Variants in GRK3 observed in about 807,000 individuals in gnomAD.
GRK3 encodes the protein G protein-coupled receptor kinase 3.
Under a neutral mutation model 95.7 loss-of-function variants are expected in GRK3, and 54 were observed. That is an observed-to-expected ratio of 0.56 (90% CI 0.45 to 0.71). The LOEUF (loss-of-function observed/expected upper bound fraction) is 0.71. Among genes scored for constraint, GRK3 ranks in the 30% least tolerant of loss-of-function variants. The probability of loss-of-function intolerance (pLI) is 0.00; values close to 1 mark genes in which losing one functional copy is unlikely to be tolerated. For missense variants in GRK3, 649 were observed against 851.2 expected, an observed-to-expected ratio of 0.76 and a Z score of 2.96; for synonymous variants, 281 against 290.8, an observed-to-expected ratio of 0.97 and a Z score of 0.34.
In GRK3 at chr22:25,699,093, CG is replaced by C. The variant is rs905470239; in HGVS notation, c.1160+3882del. ...TCAGGAGCAAAACCCTGTGGCGAGG[CG>C]GGCAGGAGGTGGGACTGTGTGCAGG... is the stretch of plus-strand genomic sequence containing the variant. On this transcript the variant is annotated intron_variant, in intron 13 of 20. Coordinates refer to ENST00000324198, the MANE Select transcript of GRK3 (RefSeq NM_005160.4). Among the ~76,000 whole-genome samples, 24 of 152,182 alleles carry C rather than the reference CG, an allele frequency of 1.6e-4. 1 individual carries two copies. The highest frequency in any genetic ancestry group is 5.1e-4 in the African/African-American group (21 of 41,530).
At chr22:25,582,151 C>T (rs1299071103) in intron 1 of GRK3, among the ~76,000 whole-genome samples, 3 of 151,980 alleles carry the variant, frequency 2.0e-5, no homozygotes, top group Admixed American at 1.3e-4. Context: ...GTGGTGGGCA[C>T]CTGTAATCCC....
At chr22:25,698,552 A>G (rs1023607705) in intron 13 of GRK3, among the ~76,000 whole-genome samples, 3 of 152,152 alleles carry the variant, frequency 2.0e-5, no homozygotes, top group Non-Finnish European at 4.4e-5. Flanking sequence ...AGCAGGGGAA[A>G]TACCAGCTTT....
In GRK3 at chr22:25,564,992, C is replaced by G. The variant is rs1167666025; in HGVS notation, c.-49C>G. 1.3e-6 allele frequency: 1 copy of G among 773,464 alleles called. No individual in the cohort carries two copies. The highest frequency in any genetic ancestry group is 1.7e-6 in the Non-Finnish European group (1 of 580,114). 47.9% of individuals were successfully genotyped at this position (773,464 alleles called of 1,614,324 possible). A position where few individuals can be genotyped will look rare whatever the true frequency, so the allele number is the denominator to read the frequency against. On this transcript the variant is annotated 5_prime_UTR_variant, in exon 1 of 21. Coordinates refer to ENST00000324198, the MANE Select transcript of GRK3 (RefSeq NM_005160.4). ...CGGGCGGCGGCGGCGGGCGCGCGTC[C>G]CGTCCAGGTCCGGAGTAACCGCCGC...
At chr22:25,666,449 G>A (rs1278563803) in intron 5 of GRK3, among the ~76,000 whole-genome samples, 2 of 152,208 alleles carry the variant, frequency 1.3e-5, no homozygotes. Flanking sequence ...AGGAACTTCA[G>A]AGAGAGATAA....
intron 2 of GRK3, among the ~76,000 whole-genome samples, chr22:25,627,209 T>TA (rs2084634152): frequency 6.6e-6 from 1 of 152,232 alleles, no homozygotes; most frequent in Non-Finnish European, 1.5e-5. Flanking sequence ...TTTTATTTTT[T>TA]ATGAAACAAT....
chr22:25,725,656 G>A lies in GRK3; in HGVS notation c.*3206G>A, dbSNP rs2085467716. On this transcript the variant is annotated 3_prime_UTR_variant, in exon 21 of 21. Coordinates refer to ENST00000324198, the MANE Select transcript of GRK3 (RefSeq NM_005160.4). ...CAATTTCAGGTCCTATGTTTAAAAAGAAGGGGCTGGCCGGGCACGATGGCT... is the reference window on the plus strand; with the variant it reads ...CAATTTCAGGTCCTATGTTTAAAAAAAAGGGGCTGGCCGGGCACGATGGCT... 1 of 398,402 alleles carries A rather than the reference G, an allele frequency of 2.5e-6. No individual in the cohort carries two copies. Among genetic ancestry groups the A allele is most frequent in the Non-Finnish European group, 4.4e-6 (1 of 226,060 alleles). 24.7% of individuals were successfully genotyped at this position (398,402 alleles called of 1,614,324 possible).
intron 17 of GRK3, among the ~76,000 whole-genome samples, chr22:25,712,520 G>A (rs929204714): frequency 2.0e-5 from 3 of 152,214 alleles, no homozygotes; most frequent in Admixed American, 6.5e-5. Context: ...ACACTATTAC[G>A]TGGGTGCCCA....
At position 25,711,144 on chromosome 22, in the gene GRK3, A is replaced by G. The variant is rs2085341017; in HGVS notation, c.1472A>G (p.Glu491Gly). ...TTTGATATTGGCTCATTTGATGAAG[A>G]GGATACCAAAGGGATTAAGGTACAC... Reference protein sequence around the residue: ...DAFDIGSFDEEDTKGIKLLDC... With the variant: ...DAFDIGSFDEGDTKGIKLLDC... The change falls in exon 17 of 21, where the codon GAG becomes GGG. Residue 491 changes from glutamate (E) to glycine (G), a missense_variant. Transcript: ENST00000324198. 1 of 1,609,448 alleles carries G rather than the reference A, an allele frequency of 6.2e-7. No homozygotes were observed. The highest frequency in any genetic ancestry group is 1.3e-5 in the African/African-American group (1 of 74,828).
chr22:25,648,452 A>G, intron 3 of GRK3: 1 of 1,310,848 alleles, frequency 7.6e-7, no homozygotes, highest in Non-Finnish European at 1.1e-6. Context: ...AGGTTAAACT[A>G]GGACAAGGAT....
chr22:25,675,586 G>T (rs1569189741), intron 8 of GRK3, among the ~76,000 whole-genome samples: 1 of 152,304 alleles, frequency 6.6e-6, no homozygotes, highest in South Asian at 2.1e-4. Context: ...AGTGGGCTTG[G>T]TGGAGTAGTA....
At chr22:25,690,065 A>G (rs1191114293) in intron 11 of GRK3, 124 bp from the exon 12 acceptor site, 2 of 663,964 alleles carry the variant, frequency 3.0e-6, no homozygotes, top group African/African-American at 3.6e-5. Context: ...GGCTAAAGCT[A>G]TAATTTGTGT....
At chr22:25,687,241 G>A (rs919895832) in intron 10 of GRK3, among the ~76,000 whole-genome samples, 32 of 152,028 alleles carry the variant, frequency 2.1e-4, no homozygotes, top group African/African-American at 6.5e-4. Flanking sequence ...AATCAAAGCA[G>A]GTTAGCTAGT....
intron 2 of GRK3, among the ~76,000 whole-genome samples, chr22:25,642,496 T>C (rs1258840587): frequency 6.6e-6 from 1 of 152,120 alleles, no homozygotes; most frequent in African/African-American, 2.4e-5. Flanking sequence ...ATCTTTTATT[T>C]CTATGGATTT....
intron 9 of GRK3, among the ~76,000 whole-genome samples, chr22:25,679,605 G>T (rs377331263): frequency 3.9e-4 from 60 of 152,218 alleles, no homozygotes; most frequent in African/African-American, 1.4e-3. Flanking sequence ...CAGCTTTTAT[G>T]TGTCTGTACA....
Position 25,722,486 on chromosome 22 carries a change from A to T in GRK3, c.*36A>T. On this transcript the variant is annotated 3_prime_UTR_variant, in exon 21 of 21. Transcript: ENST00000324198. The stretch of plus-strand genomic sequence containing the variant: ...CAGGGAGGGTCCTCGAGGAGGACAC[A>T]CCAGGGTCTCAGCCTTTTGGGGTGA... 6.2e-7 allele frequency: 1 copy of T among 1,607,096 alleles called. No homozygotes were observed. The highest frequency in any genetic ancestry group is 8.5e-7 in the Non-Finnish European group (1 of 1,174,418).
intron 12 of GRK3, among the ~76,000 whole-genome samples, chr22:25,693,966 T>C (rs1016151324): frequency 1.3e-5 from 2 of 152,060 alleles, no homozygotes; most frequent in African/African-American, 4.8e-5. Context: ...TAATTTTGTA[T>C]TTTTAGTAGA....
In GRK3 at chr22:25,694,134, A is replaced by C. The variant is rs1472837927; in HGVS notation, c.1053-973A>C. Reference sequence around the variant, plus strand: ...GATAAGCACAGAGATGCAAATCCCCAACACGAATCCAGTGGCTGCTGTATG... The same window carrying C: ...GATAAGCACAGAGATGCAAATCCCCCACACGAATCCAGTGGCTGCTGTATG... On this transcript the variant is annotated intron_variant, in intron 12 of 20. Transcript: ENST00000324198. Among the ~76,000 whole-genome samples the C allele has an allele frequency of 2.6e-5, 4 of 152,188 alleles. No homozygotes were observed. In the East Asian group the frequency reaches 7.7e-4, roughly 29 times the overall value.
intron 2 of GRK3, among the ~76,000 whole-genome samples, chr22:25,626,422 G>A (rs1569169480): frequency 6.6e-6 from 1 of 152,180 alleles, no homozygotes; most frequent in Admixed American, 6.5e-5. Context: ...CCCTTCCCTT[G>A]TACAGGGAGT....
In GRK3 at chr22:25,650,402, C is replaced by T. The variant is rs113871754; in HGVS notation, c.264+5737C>T. On this transcript the variant is annotated intron_variant, in intron 3 of 20. Transcript: ENST00000324198. The stretch of plus-strand genomic sequence containing the variant: ...AATCTTTTAATCTTTAGATAACATG[C>T]GGAGTAAGACCCAGCATTTAAAGAG... Among the ~76,000 whole-genome samples, 499 of 152,160 alleles carry T rather than the reference C, an allele frequency of 3.3e-3. 1 individual carries two copies. Among genetic ancestry groups the T allele is most frequent in the African/African-American group, 0.012 (479 of 41,480 alleles).
Sources: allele counts gnomAD v4.1 joint callset (sites outside exome capture counted in the v4.1 genomes callset), GRCh38; gene constraint gnomAD v4.1.1; transcripts MANE v1.5; gene names NCBI Gene and HGNC (gene_info 2026-07-23, HGNC 2026-07-21).